The following CEP162 variants were observed in gnomAD, a reference collection of about 807,000 sequenced individuals.
The protein encoded by CEP162 is centrosomal protein of 162 kDa.
A neutral mutation model predicts 169.2 loss-of-function variants in CEP162; 141 were observed. The observed-to-expected ratio is 0.83, with a 90% CI of 0.73 to 0.96. The LOEUF is 0.96. CEP162 is among the 40% of genes least tolerant of loss of function. CEP162 has a pLI of 0.00. For synonymous variants in CEP162, 540 were observed against 526.4 expected (o/e 1.03, Z -0.35); for missense variants, 1,600 against 1,587.2 (o/e 1.01, Z -0.14).
chr6:84,225,684 A>C lies in CEP162; in HGVS notation c.57+653T>G, dbSNP rs2099555432. Among the ~76,000 whole-genome samples, 3 of 150,444 alleles carry C rather than the reference A, an allele frequency of 2.0e-5. No individual in the cohort carries two copies. The South Asian group carries it at 6.2e-4, about 31-fold the overall frequency. ...TACATTCTTATAATGGGAAGCAGAA[A>C]ACAGACCCATACAAGAAAAATAATT... is the stretch of plus-strand genomic sequence containing the variant. On this transcript the variant is annotated intron_variant, in intron 2 of 26. Coordinates refer to ENST00000403245, the MANE Select transcript of CEP162 (RefSeq NM_014895.4).
intron 6 of CEP162, among the ~76,000 whole-genome samples, chr6:84,210,807 T>A (rs1303638065): frequency 6.6e-6 from 1 of 152,094 alleles, no homozygotes; most frequent in Non-Finnish European, 1.5e-5. Context: ...TGGAGAGACC[T>A]CATTGATCAC....
chr6:84,176,662 G>C (rs1185760529), intron 13 of CEP162, among the ~76,000 whole-genome samples: 1 of 152,154 alleles, frequency 6.6e-6, no homozygotes, highest in Non-Finnish European at 1.5e-5. Flanking sequence ...TGGATTTTTG[G>C]ATTGGAGATG....
Position 84,180,916 on chromosome 6 carries a change from C to A in CEP162, c.1663+4271G>T, listed in dbSNP as rs2099534530. Among the ~76,000 whole-genome samples, 4 of 152,176 alleles carry A rather than the reference C, an allele frequency of 2.6e-5. No individual in the cohort carries two copies. In the South Asian group the frequency reaches 6.2e-4, roughly 24 times the overall value. The stretch of plus-strand genomic sequence containing the variant: ...AATCAATATCGTGAAAATGGCCATA[C>A]TGCCCAAGGTAATTTATAGATTCAG... On this transcript the variant is annotated intron_variant, in intron 13 of 26. Transcript: ENST00000403245.
At chr6:84,181,528 C>G (rs1025077384) in intron 13 of CEP162, among the ~76,000 whole-genome samples, 2 of 152,036 alleles carry the variant, frequency 1.3e-5, no homozygotes, top group African/African-American at 4.8e-5. Context: ...GGCACATGAG[C>G]AGTACTTTAT....
In CEP162 at chr6:84,186,383, T is replaced by G. The variant is rs2099537147; in HGVS notation, c.1350A>C (p.Lys450Asn). 1 of 1,513,318 alleles carries G rather than the reference T, an allele frequency of 6.6e-7. No homozygotes were observed. Among genetic ancestry groups the G allele is most frequent in the African/African-American group, 1.4e-5 (1 of 72,848 alleles). The allele number at this position is 1,513,318 out of a possible 1,614,324, so 93.7% of individuals were successfully genotyped here. The change falls in exon 12 of 27, where the codon AAA becomes AAC. Residue 450 changes from lysine to asparagine, a missense_variant. Physicochemically the swap from Lys to Asn is moderately conservative, Grantham distance 94. Coordinates refer to ENST00000403245, the MANE Select transcript of CEP162 (RefSeq NM_014895.4). ...VDKMYLNILRKKITVNSSSLS... is the reference protein window; with the variant it reads ...VDKMYLNILRNKITVNSSSLS... Reference sequence around the variant, plus strand: ...ATGATGAAGAATTAACAGTTATTTTTTTCCTCAAAATATTAAGGTACATTT... The same window carrying G: ...ATGATGAAGAATTAACAGTTATTTTGTTCCTCAAAATATTAAGGTACATTT...
chr6:84,219,477 G>A (rs2099552837), intron 3 of CEP162, among the ~76,000 whole-genome samples: 1 of 152,108 alleles, frequency 6.6e-6, no homozygotes, highest in Non-Finnish European at 1.5e-5. Flanking sequence ...GTATATATCT[G>A]CTCTGATTCA....
chr6:84,184,350 C>T lies in CEP162; in HGVS notation c.1663+837G>A, dbSNP rs541129292. On this transcript the variant is annotated intron_variant, in intron 13 of 26. Transcript: ENST00000403245. Reference sequence around the variant, plus strand: ...ATTATTTTGCTGCCTTTTACAGCAGCTATCTGCAGCATGGTCTATAATTTG... The same window carrying T: ...ATTATTTTGCTGCCTTTTACAGCAGTTATCTGCAGCATGGTCTATAATTTG... Among the ~76,000 whole-genome samples, 10 of 152,280 alleles carry T rather than the reference C, an allele frequency of 6.6e-5. No homozygotes were observed. In the East Asian group the frequency reaches 1.7e-3, roughly 26 times the overall value.
intron 6 of CEP162, among the ~76,000 whole-genome samples, chr6:84,204,443 T>C (rs1456968638): frequency 1.3e-5 from 2 of 152,134 alleles, no homozygotes; most frequent in African/African-American, 4.8e-5. Context: ...ACCGCACAAC[T>C]ACATGGAAAC....
rs372918595 is a variant in CEP162 at position 84,203,978 on chromosome 6, T to C, written c.687+3A>G. 1.5e-4 allele frequency: 234 copies of C among 1,580,788 alleles called. No homozygotes were observed. Among genetic ancestry groups the C allele is most frequent in the Middle Eastern group, 3.3e-4 (2 of 5,986 alleles). On this transcript the variant is annotated splice_donor_region_variant and intron_variant, in intron 7 of 26. Transcript: ENST00000403245. ...CTGTCAAATATATAATTGATATATA[T>C]ACCTGTTTGGGCACACTTATTTTTT...
intron 13 of CEP162, among the ~76,000 whole-genome samples, chr6:84,177,335 GAA>G (rs1000988435): frequency 6.6e-6 from 1 of 152,046 alleles, no homozygotes; most frequent in African/African-American, 2.4e-5. Context: ...ATGCATACAG[GAA>G]AAACTTTCTG....
At chr6:84,145,009 AGGC>A in intron 25 of CEP162, among the ~76,000 whole-genome samples, 1 of 152,132 alleles carries the variant, frequency 6.6e-6, no homozygotes, top group Non-Finnish European at 1.5e-5. Flanking sequence ...TATACTATCA[AGGC>A]TTTGATTGGA....
At chr6:84,177,683 C>A (rs1042990967) in intron 13 of CEP162, among the ~76,000 whole-genome samples, 2 of 152,110 alleles carry the variant, frequency 1.3e-5, no homozygotes, top group African/African-American at 4.8e-5. Context: ...TTACAAGCGT[C>A]TGCCACCATG....
intron 24 of CEP162, among the ~76,000 whole-genome samples, chr6:84,147,384 C>CAGTT (rs1244830899): frequency 3.3e-5 from 5 of 152,024 alleles, no homozygotes; most frequent in African/African-American, 9.7e-5. Flanking sequence ...AACATACATA[C>CAGTT]AGTTAGATAG....
intron 3 of CEP162, among the ~76,000 whole-genome samples, chr6:84,218,103 G>A (rs1316956776): frequency 1.3e-5 from 2 of 152,152 alleles, no homozygotes; most frequent in Non-Finnish European, 2.9e-5. Flanking sequence ...TTAATTGGGG[G>A]GGTATACCAA....
At position 84,196,495 on chromosome 6, in the gene CEP162, A is replaced by T. The variant is rs950785592; in HGVS notation, c.836-1420T>A. ...GACAAATTCTAGAAAAAAGAATTCA[A>T]ATAATTTAATGAAAATAATGATTGC... On this transcript the variant is annotated intron_variant, in intron 9 of 26. Coordinates refer to ENST00000403245, the MANE Select transcript of CEP162 (RefSeq NM_014895.4). Among the ~76,000 whole-genome samples the T allele has an allele frequency of 5.3e-5, 8 of 152,238 alleles. No homozygotes were observed. In the East Asian group the frequency reaches 5.8e-4, roughly 11 times the overall value.
chr6:84,198,427 G>C (rs2099543054), intron 9 of CEP162, among the ~76,000 whole-genome samples: 1 of 152,010 alleles, frequency 6.6e-6, no homozygotes, highest in Admixed American at 6.6e-5. Context: ...ACAGGCATGT[G>C]CCACCACACC....
chr6:84,154,359 T>C (rs1027448567), intron 22 of CEP162, among the ~76,000 whole-genome samples: 6 of 143,146 alleles, frequency 4.2e-5, no homozygotes, highest in Admixed American at 3.5e-4. Flanking sequence ...TGTCTGTCTG[T>C]CTATCTATCT....
intron 11 of CEP162, 137 bp from the exon 12 acceptor site, chr6:84,186,760 T>A: frequency 2.9e-6 from 2 of 687,670 alleles, no homozygotes; most frequent in Non-Finnish European, 4.7e-6. Flanking sequence ...TTAATGATGT[T>A]AAATACAGTA....
chr6:84,200,965 CT>C, intron 8 of CEP162, 60 bp from the exon 9 acceptor site: 2 of 1,052,028 alleles, frequency 1.9e-6, no homozygotes, highest in South Asian at 1.3e-5. Flanking sequence ...TTCTGTTGAT[CT>C]AATACAATTA....
Sources: gnomAD v4.1 joint callset for allele counts (sites outside exome capture counted in the v4.1 genomes callset) on GRCh38, gnomAD v4.1.1 for gene constraint, MANE v1.5 for transcripts, NCBI Gene and HGNC (gene_info 2026-07-23, HGNC 2026-07-21) for gene names.